Variants in TMEM232 observed in about 807,000 individuals in gnomAD.
The protein encoded by TMEM232 is transmembrane protein 232.
In TMEM232, 80 loss-of-function variants were observed where a neutral mutation model predicts 78.8. The observed-to-expected ratio is 1.01, with a 90% CI of 0.85 to 1.22. The LOEUF is 1.22. TMEM232 is among the 50% of genes most tolerant of loss of function. The probability of loss-of-function intolerance (pLI) is 0.00; values close to 1 mark genes in which losing one functional copy is unlikely to be tolerated. For missense variants in TMEM232, 881 were observed against 742.2 expected (o/e 1.19, Z -2.17); for synonymous variants, 297 against 254.3 (o/e 1.17, Z -1.60).
upstream of TMEM232, among the ~76,000 whole-genome samples, chr5:110,729,508 T>C (rs947783181): frequency 6.6e-6 from 1 of 152,178 alleles, no homozygotes; most frequent in African/African-American, 2.4e-5. Context: ...TCATGTAATA[T>C]GAATGGGAAG....
At position 110,531,330 on chromosome 5, in the gene TMEM232, G is replaced by T. The variant is rs569812359; in HGVS notation, c.1456-2495C>A. ...GTAGTCTCTTCACACGGACACACATGAAATTTGGTGCTGTGACTCGGATTG... is the reference window on the plus strand; with the variant it reads ...GTAGTCTCTTCACACGGACACACATTAAATTTGGTGCTGTGACTCGGATTG... On this transcript the variant is annotated intron_variant, in intron 11 of 13. Coordinates refer to ENST00000455884, the MANE Select transcript of TMEM232 (RefSeq NM_001039763.4). Among the ~76,000 whole-genome samples, 467 of 152,328 alleles carry T rather than the reference G, an allele frequency of 3.1e-3. 3 individuals are homozygous for T. The highest frequency in any genetic ancestry group is 0.011 in the African/African-American group (446 of 41,552).
At chr5:110,709,958 C>A (rs1299258030) in intron 1 of TMEM232, among the ~76,000 whole-genome samples, 4 of 150,332 alleles carry the variant, frequency 2.7e-5, no homozygotes, top group South Asian at 2.1e-4. Flanking sequence ...AGAAAAAAAT[C>A]AAAAAAATCA....
In TMEM232 at chr5:110,420,337, C is replaced by T; in HGVS notation, c.*243G>A. The T allele has an allele frequency of 3.1e-6, 1 of 325,152 alleles. No homozygotes were observed. Among genetic ancestry groups the T allele is most frequent in the Non-Finnish European group, 5.5e-6 (1 of 181,700 alleles). 20.1% of individuals were successfully genotyped at this position (325,152 alleles called of 1,614,324 possible). On this transcript the variant is annotated 3_prime_UTR_variant, in exon 14 of 14. Transcript: ENST00000455884. ...AATTGAGAAAAATACTAGATGTAGT[C>T]TTGGAAATTTTTGACTAGTGAAATC...
chr5:110,480,867 A>T (rs1763787306), intron 12 of TMEM232, among the ~76,000 whole-genome samples: 2 of 152,124 alleles, frequency 1.3e-5, no homozygotes, highest in South Asian at 4.1e-4. Context: ...TACACTAAGG[A>T]GTGGTCAGTA....
At chr5:110,624,122 G>A (rs1463365194) in intron 7 of TMEM232, among the ~76,000 whole-genome samples, 2 of 152,046 alleles carry the variant, frequency 1.3e-5, no homozygotes, top group East Asian at 1.9e-4. Flanking sequence ...AAGATTTCAT[G>A]GAATCCTATT....
intron 12 of TMEM232, among the ~76,000 whole-genome samples, chr5:110,505,382 G>A (rs180810510): frequency 1.1e-4 from 16 of 152,168 alleles, no homozygotes; most frequent in Middle Eastern, 3.2e-3. Flanking sequence ...GATCATGATG[G>A]TTAGGGGAGC....
intron 12 of TMEM232, among the ~76,000 whole-genome samples, chr5:110,493,349 C>G (rs1029136906): frequency 1.5e-5 from 2 of 136,408 alleles, no homozygotes; most frequent in Non-Finnish European, 3.1e-5. Context: ...AAAATGTGTA[C>G]AGAAGATTAC....
At chr5:110,445,060 C>A (rs1408535661) in intron 12 of TMEM232, among the ~76,000 whole-genome samples, 5 of 151,932 alleles carry the variant, frequency 3.3e-5, no homozygotes, top group Non-Finnish European at 7.4e-5. Context: ...CTATAGCCCT[C>A]ATTTTCCATG....
intron 11 of TMEM232, among the ~76,000 whole-genome samples, chr5:110,537,201 A>G (rs1195764327): frequency 6.6e-6 from 1 of 151,994 alleles, no homozygotes; most frequent in Non-Finnish European, 1.5e-5. Flanking sequence ...CCCTCCATCT[A>G]TTCCACCTGA....
intron 1 of TMEM232, among the ~76,000 whole-genome samples, chr5:110,708,344 G>A (rs1242317585): frequency 1.3e-5 from 2 of 152,072 alleles, no homozygotes; most frequent in Non-Finnish European, 2.9e-5. Flanking sequence ...AATGCTAAAG[G>A]GACTTCTTCA....
chr5:110,684,329 A>T (rs1460607693), intron 1 of TMEM232, among the ~76,000 whole-genome samples: 1 of 152,078 alleles, frequency 6.6e-6, no homozygotes, highest in Non-Finnish European at 1.5e-5. Flanking sequence ...AACAAAAAAT[A>T]GATTATATCC....
At chr5:110,542,950 A>G (rs889364058) in intron 11 of TMEM232, among the ~76,000 whole-genome samples, 2 of 152,004 alleles carry the variant, frequency 1.3e-5, no homozygotes, top group Admixed American at 6.6e-5. Flanking sequence ...GGGTATTTAA[A>G]CCCTAGAAAA....
intron 1 of TMEM232, among the ~76,000 whole-genome samples, chr5:110,713,010 G>T (rs1252822829): frequency 1.3e-5 from 2 of 152,088 alleles, no homozygotes; most frequent in Admixed American, 6.6e-5. Flanking sequence ...AGCAACCTAA[G>T]CGTCCATCAA....
intron 12 of TMEM232, among the ~76,000 whole-genome samples, chr5:110,488,599 C>G (rs1580892963): frequency 6.6e-6 from 1 of 151,844 alleles, no homozygotes; most frequent in Non-Finnish European, 1.5e-5. Context: ...GAAAACATAA[C>G]AAAATTATTA....
chr5:110,567,083 G>GA (rs1472434138), intron 11 of TMEM232, among the ~76,000 whole-genome samples: 2 of 151,512 alleles, frequency 1.3e-5, no homozygotes, highest in East Asian at 3.9e-4. Flanking sequence ...AACAACATGG[G>GA]AAAAAACCCA....
intron 12 of TMEM232, among the ~76,000 whole-genome samples, chr5:110,455,969 C>T (rs1760852946): frequency 6.6e-6 from 1 of 152,156 alleles, no homozygotes; most frequent in South Asian, 2.1e-4. Context: ...TAAAAGGGAT[C>T]TATGAAAATC....
intron 3 of TMEM232, among the ~76,000 whole-genome samples, chr5:110,391,368 C>A: frequency 7.0e-6 from 1 of 142,744 alleles, no homozygotes; most frequent in East Asian, 2.2e-4. Flanking sequence ...GGGACATATC[C>A]ATATCCTGCA....
In TMEM232 at chr5:110,653,800, T is replaced by C. The variant is rs55646505; in HGVS notation, c.126-11429A>G. ...GCCATTCTGGGCATAGAGAGGATGA[T>C]TTACCTATGAGACATCCAAGTGGAA... is the stretch of plus-strand genomic sequence containing the variant. On this transcript the variant is annotated intron_variant, in intron 2 of 13. Transcript: ENST00000455884. 5.3e-5 allele frequency among the ~76,000 whole-genome samples: 8 copies of C among 152,218 alleles called. No individual in the cohort carries two copies. In the East Asian group the frequency reaches 1.4e-3, roughly 26 times the overall value.
chr5:110,433,216 G>A (rs1408010155), intron 12 of TMEM232, among the ~76,000 whole-genome samples: 4 of 151,716 alleles, frequency 2.6e-5, no homozygotes, highest in Non-Finnish European at 5.9e-5. Flanking sequence ...CTCTAAGACT[G>A]ACCACATGCT....
Sources: allele counts gnomAD v4.1 joint callset (sites outside exome capture counted in the v4.1 genomes callset), GRCh38; gene constraint gnomAD v4.1.1; transcripts MANE v1.5; gene names NCBI Gene and HGNC (gene_info 2026-07-23, HGNC 2026-07-21).